ARHGAP24: variants seen among roughly 807,000 people sequenced by gnomAD.
ARHGAP24 encodes the protein Rho GTPase activating protein 24.
Under a neutral mutation model 76.4 loss-of-function variants are expected in ARHGAP24, and 50 were observed. That is an observed-to-expected ratio of 0.65 (90% CI 0.52 to 0.83). The LOEUF is 0.83. Among genes scored for constraint, ARHGAP24 ranks in the 40% least tolerant of loss-of-function variants. The pLI is 0.00. For synonymous variants in ARHGAP24, 345 were observed against 323.3 expected (o/e 1.07, Z -0.72); for missense variants, 930 against 914.2 (o/e 1.02, Z -0.22).
chr4:85,514,843 A>AAAAAG (rs1379272581), intron 1 of ARHGAP24, among the ~76,000 whole-genome samples: 3 of 146,476 alleles, frequency 2.0e-5, no homozygotes, highest in Non-Finnish European at 3.0e-5. Flanking sequence ...AAAAAAAAAA[A>AAAAAG]GTGATATTGT....
chr4:85,479,343 G>T (rs896904768), intron 1 of ARHGAP24, among the ~76,000 whole-genome samples: 15 of 152,062 alleles, frequency 9.9e-5, no homozygotes, highest in Non-Finnish European at 2.9e-5. Context: ...TGAGTTTAAA[G>T]AAAATAGAAA....
At chr4:85,688,856 G>T (rs1232678863) in intron 2 of ARHGAP24, among the ~76,000 whole-genome samples, 2 of 152,114 alleles carry the variant, frequency 1.3e-5, no homozygotes, top group East Asian at 3.9e-4. Context: ...TCTTGTTATT[G>T]TAAGTGTGCA....
Position 86,000,559 on chromosome 4 carries a change from C to T in ARHGAP24, c.2084C>T (p.Thr695Ile), listed in dbSNP as rs749791981. ...DELDQERKKF[T>I]MIEIKMRNAE... ...CTGGATCAGGAGAGGAAAAAGTTCACAATGATAGAAATAAAAATGCGAAAT... is the reference window on the plus strand; with the variant it reads ...CTGGATCAGGAGAGGAAAAAGTTCATAATGATAGAAATAAAAATGCGAAAT... Residue 695 changes from threonine (T) to isoleucine (I), a missense_variant, in exon 10 of 10, where the codon ACA becomes ATA. Transcript: ENST00000395184. 6 of 1,599,034 alleles carry T rather than the reference C, an allele frequency of 3.8e-6. No individual in the cohort carries two copies. In the Admixed American group the frequency reaches 8.5e-5, roughly 23 times the overall value.
intron 3 of ARHGAP24, among the ~76,000 whole-genome samples, chr4:85,779,800 C>A (rs1578218977): frequency 6.6e-6 from 1 of 152,172 alleles, no homozygotes; most frequent in Non-Finnish European, 1.5e-5. Context: ...GTCACTCTTT[C>A]CCCGAGGCCC....
chr4:85,729,260 C>T (rs907253375), intron 3 of ARHGAP24, among the ~76,000 whole-genome samples: 10 of 152,144 alleles, frequency 6.6e-5, no homozygotes, highest in African/African-American at 2.2e-4. Context: ...TCTATATACA[C>T]AAGTAGCTCT....
chr4:85,643,049 C>G (rs927942942), intron 2 of ARHGAP24, among the ~76,000 whole-genome samples: 4 of 147,762 alleles, frequency 2.7e-5, no homozygotes, highest in African/African-American at 5.1e-5. Flanking sequence ...TTCCTCAAGC[C>G]TTTCCTCTAG....
chr4:85,502,473 C>A (rs1038066857), intron 1 of ARHGAP24, among the ~76,000 whole-genome samples: 1 of 152,058 alleles, frequency 6.6e-6, no homozygotes, highest in Non-Finnish European at 1.5e-5. Flanking sequence ...GTATTTTATT[C>A]TCTTTGTAGT....
intron 5 of ARHGAP24, among the ~76,000 whole-genome samples, chr4:85,961,254 A>G (rs1738226697): frequency 6.6e-6 from 1 of 152,142 alleles, no homozygotes; most frequent in South Asian, 2.1e-4. Context: ...GGTATCGTCC[A>G]GTCCAGTACA....
At position 85,971,934 on chromosome 4, in the gene ARHGAP24, GC is replaced by G. The variant is rs1267901892; in HGVS notation, c.600-100del. On this transcript the variant is annotated intron_variant, in intron 5 of 9. Coordinates refer to ENST00000395184, the MANE Select transcript of ARHGAP24 (RefSeq NM_001025616.3). ...GAAAACTGGGTTGATTCATTCAATT[GC>G]CAACTTGGATAGAATTCTGACTCCT... 9.0e-6 allele frequency: 14 copies of G among 1,559,236 alleles called. No individual in the cohort carries two copies. In the African/African-American group the frequency reaches 1.5e-4, roughly 17 times the overall value.
chr4:85,864,237 A>C (rs1732063588), intron 3 of ARHGAP24, among the ~76,000 whole-genome samples: 1 of 152,106 alleles, frequency 6.6e-6, no homozygotes, highest in East Asian at 1.9e-4. Context: ...CTTTTCATTA[A>C]AAAGAAAAGC....
At chr4:85,711,991 T>A (rs1236225536) in intron 2 of ARHGAP24, among the ~76,000 whole-genome samples, 1 of 152,208 alleles carries the variant, frequency 6.6e-6, no homozygotes, top group Non-Finnish European at 1.5e-5. Context: ...TGTTTCATAA[T>A]GAGACACAAA....
At chr4:85,493,131 C>T (rs953781276) in intron 1 of ARHGAP24, among the ~76,000 whole-genome samples, 4 of 152,172 alleles carry the variant, frequency 2.6e-5, no homozygotes, top group African/African-American at 9.7e-5. Context: ...TATCAGGAAG[C>T]GCATGATGTC....
intron 1 of ARHGAP24, among the ~76,000 whole-genome samples, chr4:85,492,272 C>T (rs1268570764): frequency 2.0e-5 from 3 of 152,122 alleles, no homozygotes; most frequent in Non-Finnish European, 4.4e-5. Flanking sequence ...TTCAGTTACA[C>T]ATTTCCAGGA....
intron 5 of ARHGAP24, among the ~76,000 whole-genome samples, chr4:85,945,220 G>A (rs1578417370): frequency 1.3e-5 from 2 of 151,432 alleles, no homozygotes; most frequent in East Asian, 3.9e-4. Context: ...TCAGCTCACT[G>A]CAACGTCCAC....
chr4:85,752,735 T>C (rs12507272), intron 3 of ARHGAP24, among the ~76,000 whole-genome samples: 34,339 of 152,110 alleles, frequency 0.23, 4,399 homozygotes, highest in East Asian at 0.54. Flanking sequence ...CTCTGTAAAA[T>C]TGCACTAATA....
At chr4:85,487,518 ATATTTAT>A (rs1723134460) in intron 1 of ARHGAP24, among the ~76,000 whole-genome samples, 4 of 110,014 alleles carry the variant, frequency 3.6e-5, no homozygotes, top group Non-Finnish European at 6.5e-5. Flanking sequence ...ATATAAACAT[ATATTTAT>A]TACATATTAT....
intron 2 of ARHGAP24, among the ~76,000 whole-genome samples, chr4:85,678,808 A>G (rs1045118568): frequency 6.6e-6 from 1 of 152,188 alleles, no homozygotes; most frequent in Non-Finnish European, 1.5e-5. Flanking sequence ...TTGAAACAGG[A>G]TCTTTCCTTT....
intron 3 of ARHGAP24, among the ~76,000 whole-genome samples, chr4:85,835,443 C>T (rs1205277379): frequency 1.3e-5 from 2 of 150,718 alleles, no homozygotes; most frequent in East Asian, 4.0e-4. Flanking sequence ...GTCTGTAGTC[C>T]CAGCTGGGAG....
chr4:85,602,877 A>G (rs998456488), intron 2 of ARHGAP24, among the ~76,000 whole-genome samples: 1 of 152,218 alleles, frequency 6.6e-6, no homozygotes, highest in African/African-American at 2.4e-5. Flanking sequence ...AAAATCTTGC[A>G]ATGTGCATTT....
Sources: allele counts gnomAD v4.1 joint callset (sites outside exome capture counted in the v4.1 genomes callset), GRCh38; gene constraint gnomAD v4.1.1; transcripts MANE v1.5; gene names NCBI Gene and HGNC (gene_info 2026-07-23, HGNC 2026-07-21).